The following EI24 variants were observed in gnomAD, a reference collection of about 807,000 sequenced individuals.
The protein encoded by EI24 is etoposide-induced protein 2.4 homolog.
Under a neutral mutation model 48.6 loss-of-function variants are expected in EI24, and 21 were observed. The ratio of observed to expected loss-of-function variants is 0.43; its 90% CI spans 0.31 to 0.62. The LOEUF (loss-of-function observed/expected upper bound fraction) is 0.62, where lower values mean the gene tolerates loss of function less well. Among genes scored for constraint, EI24 ranks in the 20% least tolerant of loss-of-function variants. EI24 has a pLI of 0.10. For missense variants in EI24, 280 were observed against 410.5 expected (o/e 0.68, Z 2.75); for synonymous variants, 114 against 145.5 (o/e 0.78, Z 1.56).
chr11:125,581,425 T>A (rs1216816830), intron 9 of EI24, 103 bp downstream of exon 9: 20 of 642,822 alleles, frequency 3.1e-5, no homozygotes, highest in Non-Finnish European at 5.3e-5. Context: ...ACATCATCAT[T>A]TGTCCATCAG....
intron 2 of EI24, chr11:125,574,725 G>C (rs1268797902): frequency 6.6e-6 from 1 of 152,254 alleles, no homozygotes; most frequent in African/African-American, 2.4e-5. Context: ...ATGTGTGCTT[G>C]CTTCTGCAGC....
chr11:125,577,931 A>G (rs919043938), intron 5 of EI24: 7 of 641,296 alleles, frequency 1.1e-5, no homozygotes, highest in African/African-American at 1.8e-5. Flanking sequence ...GCACATATCT[A>G]TGGTTTCTTT....
At chr11:125,581,535 T>TTC (rs1938994923) in intron 9 of EI24, among the ~76,000 whole-genome samples, 1 of 127,854 alleles carries the variant, frequency 7.8e-6, no homozygotes, top group Non-Finnish European at 1.7e-5. Flanking sequence ...GAAGCAATTA[T>TTC]TCTTTTTTTT....
intron 2 of EI24, among the ~76,000 whole-genome samples, chr11:125,574,366 T>C (rs182766216): frequency 4.5e-4 from 68 of 152,326 alleles, no homozygotes; most frequent in Middle Eastern, 3.4e-3. Context: ...TCCTAGCATG[T>C]ACTAGGCCCT....
chr11:125,571,513 G>T (rs1938530820), intron 1 of EI24, among the ~76,000 whole-genome samples: 1 of 152,072 alleles, frequency 6.6e-6, no homozygotes, highest in South Asian at 2.1e-4. Flanking sequence ...CTTTTTTGAG[G>T]CCTAGTTTAA....
chr11:125,580,242 A>G (rs758115598), intron 8 of EI24, 38 bp downstream of exon 8: 8 of 1,465,334 alleles, frequency 5.5e-6, no homozygotes, highest in Non-Finnish European at 6.7e-6. Flanking sequence ...ATGGAGGCCC[A>G]GTTTGGAAAT....
rs71045108 is a variant in EI24 at position 125,584,229 on chromosome 11, C to CAAAAAAAAAAAAAAAAAAAA, written c.*560_*579dup. On this transcript the variant is annotated 3_prime_UTR_variant, in exon 11 of 11. Transcript: ENST00000278903. ...GGTTTTGGTCTCTCTTGCTCCACTGCAAAAAAAAAAAAAAAAAAAAAAAAA... is the reference window on the plus strand; with the variant it reads ...GGTTTTGGTCTCTCTTGCTCCACTGCAAAAAAAAAAAAAAAAAAAAAAAAAAAAAAAAAAAAAAAAAAAAA... The CAAAAAAAAAAAAAAAAAAAA allele has an allele frequency of 4.0e-5, 2 of 49,658 alleles. 1 individual carries two copies. Among genetic ancestry groups the CAAAAAAAAAAAAAAAAAAAA allele is most frequent in the Non-Finnish European group, 6.5e-5 (2 of 30,996 alleles). The allele number at this position is 49,658 out of a possible 1,614,324, so 3.1% of individuals were successfully genotyped here. A position where few individuals can be genotyped will look rare whatever the true frequency, so the allele number is the denominator to read the frequency against.
chr11:125,577,422 T>A, intron 4 of EI24, 82 bp from the exon 5 acceptor site: 1 of 1,367,070 alleles, frequency 7.3e-7, no homozygotes, highest in Non-Finnish European at 1.0e-6. Flanking sequence ...CACTCCCATC[T>A]ATAAAATCAT....
intron 7 of EI24, 98 bp downstream of exon 7, chr11:125,579,166 G>A: frequency 8.3e-7 from 1 of 1,207,696 alleles, no homozygotes; most frequent in Non-Finnish European, 1.1e-6. Flanking sequence ...TATTTATACA[G>A]AGTATTATAT....
chr11:125,583,660 C>G lies in EI24; in HGVS notation c.1000C>G (p.Leu334Val). The G allele has an allele frequency of 6.2e-7, 1 of 1,613,114 alleles. No homozygotes were observed. The highest frequency in any genetic ancestry group is 8.5e-7 in the Non-Finnish European group (1 of 1,179,526). The part of the protein sequence containing the change: ...FPSPHPSPAK[L>V]KATAGH ...TTCACCGCATCCGTCGCCTGCCAAA[C>G]TGAAGGCTACTGCAGGTCACTGAGT... Residue 334 changes from leucine to valine, a missense_variant, in exon 11 of 11, where the codon CTG becomes GTG. Leu to Val is a conservative substitution (Grantham distance 32, BLOSUM62 1). Transcript: ENST00000278903.
At chr11:125,578,558 C>T (rs149756794) in intron 6 of EI24, among the ~76,000 whole-genome samples, 6,909 of 149,330 alleles carry the variant, frequency 0.046, 251 homozygotes, top group Middle Eastern at 0.076. Context: ...CTTTGCCTCC[C>T]GGGTTCAAGC....
chr11:125,571,844 C>G (rs1390074841), intron 1 of EI24, among the ~76,000 whole-genome samples: 1 of 152,088 alleles, frequency 6.6e-6, no homozygotes, highest in Non-Finnish European at 1.5e-5. Context: ...GTGTTGCACT[C>G]CAGCCTGGGC....
chr11:125,575,259 A>G lies in EI24; in HGVS notation c.43-4A>G. On this transcript the variant is annotated splice_region_variant and splice_polypyrimidine_tract_variant and intron_variant, in intron 2 of 10. Coordinates refer to ENST00000278903, the MANE Select transcript of EI24 (RefSeq NM_004879.5). ...AATAATAATAATGATAGCCTTTTCT[A>G]TAGGGAATCAAAGACTCCATCTGGG... 1 of 1,541,460 alleles carries G rather than the reference A, an allele frequency of 6.5e-7. No individual in the cohort carries two copies.
intron 1 of EI24, chr11:125,570,411 A>G (rs1938492315): frequency 6.6e-6 from 1 of 152,224 alleles, no homozygotes; most frequent in Admixed American, 6.5e-5. Flanking sequence ...TGCCTCAGCT[A>G]TTTGTCAGAC....
In EI24 at chr11:125,583,773, G is replaced by C; in HGVS notation, c.*90G>C. ...CACCTCCCGCCTGCCAGGGAAGGCA[G>C]GACCCGCTCTGCCAAGGGCCCTCTG... On this transcript the variant is annotated 3_prime_UTR_variant, in exon 11 of 11. Transcript: ENST00000278903. 1.3e-6 allele frequency: 2 copies of C among 1,542,046 alleles called. No homozygotes were observed. Among genetic ancestry groups the C allele is most frequent in the Non-Finnish European group, 1.8e-6 (2 of 1,138,320 alleles).
chr11:125,577,505 T>G lies in EI24; in HGVS notation c.251T>G (p.Phe84Cys), dbSNP rs982649922. The stretch of plus-strand genomic sequence containing the variant: ...TGCCTTGTTGCTTCTTTTCTTTAGT[T>G]CAGTCTCCTCTTGTTTTATCGAGTA... ...CCAWNGGVFW[F>C]SLLLFYRVFI... is the part of the protein sequence containing the mutation. Residue 84 changes from phenylalanine to cysteine, a missense_variant and splice_region_variant, in exon 5 of 11, where the codon TTC (phenylalanine) becomes TGC (cysteine). By Grantham distance (205) the Phe-to-Cys change is radical. Transcript: ENST00000278903. The G allele has an allele frequency of 6.2e-7, 1 of 1,611,632 alleles. No individual in the cohort carries two copies. Among genetic ancestry groups the G allele is most frequent in the African/African-American group, 1.3e-5 (1 of 74,756 alleles).
chr11:125,579,163 A>G, intron 7 of EI24, 95 bp downstream of exon 7: 1 of 1,243,070 alleles, frequency 8.0e-7, no homozygotes, highest in Non-Finnish European at 1.1e-6. Flanking sequence ...TTATATTTAT[A>G]CAGAGTATTA....
chr11:125,582,526 A>AT (rs1315605513), intron 10 of EI24, 106 bp downstream of exon 10: 1 of 863,516 alleles, frequency 1.2e-6, no homozygotes. Context: ...ACTGTAGGAA[A>AT]ATCTTAATAT....
intron 10 of EI24, among the ~76,000 whole-genome samples, chr11:125,583,025 A>G (rs769393484): frequency 1.3e-4 from 20 of 152,258 alleles, no homozygotes; most frequent in Non-Finnish European, 2.6e-4. Context: ...AATCTAAAAT[A>G]TAACTATTTC....
Sources: allele counts gnomAD v4.1 joint callset (sites outside exome capture counted in the v4.1 genomes callset), GRCh38; gene constraint gnomAD v4.1.1; transcripts MANE v1.5; gene names NCBI Gene and HGNC (gene_info 2026-07-23, HGNC 2026-07-21).